TBCE: variants seen among roughly 807,000 people sequenced by gnomAD.
TBCE encodes the protein tubulin folding cofactor E.
Under a neutral mutation model 77.0 loss-of-function variants are expected in TBCE, and 53 were observed. The ratio of observed to expected loss-of-function variants is 0.69; its 90% confidence interval spans 0.55 to 0.87. The LOEUF is 0.87. Ranked by LOEUF, TBCE falls within the 40% of genes least tolerant of loss-of-function variation. The pLI is 0.00. For missense variants in TBCE, 624 were observed against 622.4 expected, an observed-to-expected ratio of 1.00 and a Z score of -0.03; for synonymous variants, 235 against 241.3, an observed-to-expected ratio of 0.97 and a Z score of 0.24.
At chr1:235,412,145 C>T (rs1389249103) in intron 3 of TBCE, among the ~76,000 whole-genome samples, 2 of 3,518 alleles carry the variant, frequency 5.7e-4, no homozygotes, top group East Asian at 7.0e-3. Context: ...CCTCCCCTTC[C>T]CCTCCCCTCC....
intron 2 of TBCE, among the ~76,000 whole-genome samples, chr1:235,383,765 G>T (rs1558349634): frequency 6.6e-6 from 1 of 152,180 alleles, no homozygotes; most frequent in Non-Finnish European, 1.5e-5. Context: ...TCTGCAAATA[G>T]GGATAATTTG....
Position 235,442,928 on chromosome 1 carries a change from T to C in TBCE, c.1399+17T>C, listed in dbSNP as rs936865670. 1.2e-6 allele frequency: 2 copies of C among 1,613,842 alleles called. No homozygotes were observed. The highest frequency in any genetic ancestry group is 1.7e-6 in the Non-Finnish European group (2 of 1,179,760). On this transcript the variant is annotated intron_variant, in intron 15 of 16. Coordinates refer to ENST00000642610, the MANE Select transcript of TBCE (RefSeq NM_003193.5). The stretch of plus-strand genomic sequence containing the variant: ...AACTGCCGGGTAAGAAGAACCAGCC[T>C]GTCTTTTCCTTAAACTCTGAATCAT...
At chr1:235,418,932 C>A in intron 4 of TBCE, 1 of 176,956 alleles carries the variant, frequency 5.7e-6, no homozygotes, top group South Asian at 1.2e-4. Flanking sequence ...GAGGGCCGGG[C>A]GTGGTGGCTC....
chr1:235,443,195 T>TATATAC (rs145989548), intron 15 of TBCE, among the ~76,000 whole-genome samples: 26 of 149,632 alleles, frequency 1.7e-4, no homozygotes, highest in African/African-American at 5.7e-4. Flanking sequence ...CATATATATA[T>TATATAC]ACACACACAC....
intron 5 of TBCE, among the ~76,000 whole-genome samples, chr1:235,422,759 G>A (rs1680469556): frequency 6.6e-6 from 1 of 152,178 alleles, no homozygotes; most frequent in Non-Finnish European, 1.5e-5. Context: ...AACCTGGGAG[G>A]CAGAGGTTGC....
intron 15 of TBCE, among the ~76,000 whole-genome samples, chr1:235,443,986 G>T (rs1682072457): frequency 6.6e-6 from 1 of 152,132 alleles, no homozygotes; most frequent in Admixed American, 6.6e-5. Context: ...ATAGCTAAAT[G>T]CTAAAATATA....
At chr1:235,428,846 G>A (rs1343938152) in intron 6 of TBCE, among the ~76,000 whole-genome samples, 1 of 151,408 alleles carries the variant, frequency 6.6e-6, no homozygotes, top group East Asian at 1.9e-4. Flanking sequence ...GTTTCACTAT[G>A]TTGGCTAGGA....
intron 4 of TBCE, among the ~76,000 whole-genome samples, chr1:235,418,849 T>A (rs1044582004): frequency 2.0e-5 from 3 of 152,164 alleles, no homozygotes; most frequent in Admixed American, 6.5e-5. Context: ...TTTAGGGATA[T>A]GGAAATATAT....
chr1:235,369,668 A>T (rs1275089912), intron 1 of TBCE, among the ~76,000 whole-genome samples: 3 of 150,676 alleles, frequency 2.0e-5, no homozygotes, highest in African/African-American at 7.4e-5. Flanking sequence ...CTAAAAAAAA[A>T]CACAAAAAAT....
rs1018910734 is a variant in TBCE, at chr1:235,438,883, T to C, written c.1231T>C (p.Phe411Leu). The C allele has an allele frequency of 6.2e-7, 1 of 1,614,112 alleles. No homozygotes were observed. The highest frequency in any genetic ancestry group is 8.5e-7 in the Non-Finnish European group (1 of 1,180,014). The change falls in exon 13 of 17, where the codon TTC becomes CTC. Residue 411 changes from phenylalanine (F) to leucine (L), a missense_variant. By Grantham distance (22) the Phe-to-Leu change is conservative. Coordinates refer to ENST00000642610, the MANE Select transcript of TBCE (RefSeq NM_003193.5). ...GGAAAAAAACAGACTCAGCGAAGAA[T>C]TCCTCACAGCCCATCCCAGATACCA... ...DPEKNRLSEE[F>L]LTAHPRYQFL...
intron 10 of TBCE, 32 bp downstream of exon 10, chr1:235,436,482 C>T (rs1681456717): frequency 1.2e-6 from 2 of 1,610,148 alleles, no homozygotes; most frequent in African/African-American, 1.3e-5. Flanking sequence ...CCCCACTGCC[C>T]CCCCACACTA....
Position 235,438,792 on chromosome 1 carries a change from A to T in TBCE, c.1140A>T (p.Arg380Ser). 1 of 1,614,082 alleles carries T rather than the reference A, an allele frequency of 6.2e-7. No individual in the cohort carries two copies. Among genetic ancestry groups the T allele is most frequent in the Non-Finnish European group, 8.5e-7 (1 of 1,180,030 alleles). ...AGATTCTCCCCGAGGAGAGGCGGAGAGCTGAGCTTGACTACCGAAAAGCTT... is the reference window on the plus strand; with the variant it reads ...AGATTCTCCCCGAGGAGAGGCGGAGTGCTGAGCTTGACTACCGAAAAGCTT... ...KCEILPEERR[R>S]AELDYRKAFG... is the part of the protein sequence containing the mutation. The change falls in exon 13 of 17, where the codon AGA becomes AGT. Residue 380 changes from arginine (R) to serine (S), a missense_variant. Physicochemically the swap from Arg to Ser is moderately radical, Grantham distance 110. Coordinates refer to ENST00000642610, the MANE Select transcript of TBCE (RefSeq NM_003193.5).
intron 1 of TBCE, among the ~76,000 whole-genome samples, chr1:235,376,290 C>T (rs549647546): frequency 3.3e-5 from 5 of 152,084 alleles, no homozygotes; most frequent in African/African-American, 1.2e-4. Context: ...CCTGCTATTA[C>T]ACTCTCTGGT....
At chr1:235,417,401 C>G (rs1449810050) in intron 4 of TBCE, among the ~76,000 whole-genome samples, 1 of 152,106 alleles carries the variant, frequency 6.6e-6, no homozygotes, top group Non-Finnish European at 1.5e-5. Flanking sequence ...GGGCAATTGC[C>G]GCGATAAAAC....
At chr1:235,438,655 C>T (rs1572436407) in intron 12 of TBCE, 114 bp from the exon 13 acceptor site, 1 of 1,241,188 alleles carries the variant, frequency 8.1e-7, no homozygotes, top group East Asian at 2.4e-5. Flanking sequence ...TCTTGTCCCT[C>T]TCAATTTGAT....
intron 2 of TBCE, among the ~76,000 whole-genome samples, chr1:235,397,199 T>TC (rs1678786098): frequency 8.6e-6 from 1 of 115,810 alleles, no homozygotes; most frequent in Non-Finnish European, 1.7e-5. Flanking sequence ...GGTCTCAATC[T>TC]CTTTTTTTTT....
intron 1 of TBCE, among the ~76,000 whole-genome samples, chr1:235,369,532 CAA>C (rs1243537845): frequency 6.6e-6 from 1 of 150,386 alleles, no homozygotes; most frequent in African/African-American, 2.4e-5. Context: ...ACAAAAAAAA[CAA>C]AAACTGGCTG....
chr1:235,398,209 G>A (rs1167941624), intron 2 of TBCE, among the ~76,000 whole-genome samples: 1 of 149,456 alleles, frequency 6.7e-6, no homozygotes, highest in Non-Finnish European at 1.5e-5. Context: ...ACAATGGTGC[G>A]ATCTTGGCTC....
intron 3 of TBCE, among the ~76,000 whole-genome samples, chr1:235,408,251 T>C (rs760480247): frequency 3.4e-4 from 52 of 152,328 alleles, no homozygotes; most frequent in Admixed American, 2.0e-3. Context: ...GTTACACGTG[T>C]GCCTGTATCA....
Sources: allele counts gnomAD v4.1 joint callset (sites outside exome capture counted in the v4.1 genomes callset), GRCh38; gene constraint gnomAD v4.1.1; transcripts MANE v1.5; gene names NCBI Gene and HGNC (gene_info 2026-07-23, HGNC 2026-07-21).